Variants in TCFL5 observed in about 807,000 individuals in gnomAD.
TCFL5 encodes transcription factor like 5.
A neutral mutation model predicts 44.3 loss-of-function variants in TCFL5; 9 were observed. That is an observed-to-expected ratio of 0.20 (90% confidence interval 0.12 to 0.35). TCFL5 has a LOEUF of 0.35. TCFL5 is among the 10% of genes least tolerant of loss of function. The probability of loss-of-function intolerance (pLI) is 1.00; values close to 1 mark genes in which losing one functional copy is unlikely to be tolerated. For missense variants in TCFL5, 603 were observed against 613.4 expected (o/e 0.98, Z 0.18); for synonymous variants, 319 against 271.6 (o/e 1.17, Z -1.72).
At chr20:62,855,933 T>G (rs192355725) in intron 4 of TCFL5, among the ~76,000 whole-genome samples, 1 of 151,926 alleles carries the variant, frequency 6.6e-6, no homozygotes, top group Non-Finnish European at 1.5e-5. Flanking sequence ...TAATTAATTA[T>G]AGATTAGGGA....
rs2147311108 is a variant in TCFL5, at chr20:62,861,750, C to CGG, written c.-81_-80insCC. On this transcript the variant is annotated 5_prime_UTR_variant, in exon 1 of 6. Coordinates refer to ENST00000335351, the MANE Select transcript of TCFL5 (RefSeq NM_006602.4). This position sits in a 1 kb window ranked among gnomAD's most constrained non-coding sequence, Gnocchi z 4.0. ...GAGGCGGGAGGCGGGAGGCGGGAGG[C>CGG]GACCCCCGGCCCGAGCACTACTCTG... 6.8e-6 allele frequency: 1 copy of CGG among 147,384 alleles called. No individual in the cohort carries two copies. The highest frequency in any genetic ancestry group is 2.5e-5 in the African/African-American group (1 of 40,708). 9.1% of individuals were successfully genotyped at this position (147,384 alleles called of 1,614,324 possible).
chr20:62,861,024 T>C lies in TCFL5; in HGVS notation c.647A>G (p.Asn216Ser). 1 of 993,130 alleles carries C rather than the reference T, an allele frequency of 1.0e-6. No individual in the cohort carries two copies. The highest frequency in any genetic ancestry group is 1.2e-6 in the Non-Finnish European group (1 of 836,346). The allele number at this position is 993,130 out of a possible 1,614,324, so 61.5% of individuals were successfully genotyped here. A position where few individuals can be genotyped will look rare whatever the true frequency, so the allele number is the denominator to read the frequency against. ...CAGCCCCCGGCCGCCGGGCACGCAC[T>C]TGTTGAGCGCCCCGCCCGGCTCGGG... ...EPPEPGGALN[N>S]LVTLIRHPSE... is the part of the protein sequence containing the mutation. The change falls in exon 1 of 6, where the codon AAT (asparagine) becomes AGT (serine). Residue 216 changes from asparagine (N) to serine (S), a missense_variant and splice_region_variant. This residue lies in a region of TCFL5 where 540 missense variants were observed against 478.7 expected (regional missense o/e 1.13). Coordinates refer to ENST00000335351, the MANE Select transcript of TCFL5 (RefSeq NM_006602.4). This position sits in a 1 kb window ranked among gnomAD's most constrained non-coding sequence, Gnocchi z 4.0.
At chr20:62,848,355 T>C (rs1253788855) in intron 5 of TCFL5, among the ~76,000 whole-genome samples, 1 of 152,322 alleles carries the variant, frequency 6.6e-6, no homozygotes, top group East Asian at 1.9e-4. Context: ...GAAAAAGTTG[T>C]AGTGGGCACT....
At chr20:62,852,039 C>G in intron 5 of TCFL5, 1 of 979,936 alleles carries the variant, frequency 1.0e-6, no homozygotes, top group Non-Finnish European at 1.2e-6. Flanking sequence ...CTCCTGGCCT[C>G]AAATGATCCA....
rs904372506 is a variant in TCFL5, at chr20:62,855,415, G to A, written c.1239-1258C>T. 5.9e-5 allele frequency among the ~76,000 whole-genome samples: 9 copies of A among 152,232 alleles called. No individual in the cohort carries two copies. The East Asian group carries it at 1.5e-3, about 26-fold the overall frequency. The stretch of plus-strand genomic sequence containing the variant: ...TGGGCTCAAGCAATCCTCCCACCTC[G>A]GCCCACAGTCATGAGCCACTGCACC... On this transcript the variant is annotated intron_variant, in intron 4 of 5. Transcript: ENST00000335351.
intron 1 of TCFL5, 116 bp downstream of exon 1, chr20:62,860,908 C>T (rs1261920730): frequency 1.0e-5 from 9 of 861,054 alleles, no homozygotes; most frequent in African/African-American, 1.8e-5. Flanking sequence ...CCTGTGCCGC[C>T]GGGAGGGCAG....
chr20:62,859,425 A>G lies in TCFL5; in HGVS notation c.933T>C (p.Thr311=), dbSNP rs1228192746. The change falls in exon 3 of 6, where the codon ACT becomes ACC. Residue 311 remains threonine, a synonymous_variant. Transcript: ENST00000335351. Reference sequence around the variant, plus strand: ...TGTTTCTACTACCTAACGTCTGTTTAGTGGATTCAATTTCTTGCTGATAAC... The same window carrying G: ...TGTTTCTACTACCTAACGTCTGTTTGGTGGATTCAATTTCTTGCTGATAAC... The part of the protein sequence containing the change: ...SFCYQQEIES[T]KQTLGSRNKV... 1.2e-6 allele frequency: 2 copies of G among 1,614,100 alleles called. No homozygotes were observed. Among genetic ancestry groups the G allele is most frequent in the South Asian group, 2.2e-5 (2 of 91,074 alleles).
chr20:62,846,502 A>G (rs2063744290), intron 5 of TCFL5, among the ~76,000 whole-genome samples: 1 of 152,250 alleles, frequency 6.6e-6, no homozygotes, highest in Non-Finnish European at 1.5e-5. Flanking sequence ...GCAACAGAAC[A>G]TATGTGAAAT....
rs1284998440 is a variant in TCFL5 at position 62,861,425 on chromosome 20, C to T, written c.246G>A (p.Leu82=). The stretch of plus-strand genomic sequence containing the variant: ...CGCCTGCGCCCGGGCCCGCCGCCGC[C>T]AGCAGCGCCGAGTTGAGGCGCGTCT... The part of the protein sequence containing the change: ...ELETRLNSAL[L]AAAGPGAGAG... The change falls in exon 1 of 6, where the codon CTG becomes CTA. Residue 82 remains leucine, a synonymous_variant. Coordinates refer to ENST00000335351, the MANE Select transcript of TCFL5 (RefSeq NM_006602.4). The surrounding 1 kb of genome is among the most constrained non-coding windows in gnomAD (Gnocchi z 4.0). 1.7e-6 allele frequency: 2 copies of T among 1,149,112 alleles called. No homozygotes were observed. Among genetic ancestry groups the T allele is most frequent in the Non-Finnish European group, 1.1e-6 (1 of 930,138 alleles). The allele number at this position is 1,149,112 out of a possible 1,614,324, so 71.2% of individuals were successfully genotyped here.
At chr20:62,844,485 A>G (rs1350078068) in intron 5 of TCFL5, among the ~76,000 whole-genome samples, 1 of 151,828 alleles carries the variant, frequency 6.6e-6, no homozygotes, top group Non-Finnish European at 1.5e-5. Context: ...TCCACGGCTC[A>G]CTGCAGGCTC....
At chr20:62,846,353 A>G (rs990243093) in intron 5 of TCFL5, among the ~76,000 whole-genome samples, 6 of 151,984 alleles carry the variant, frequency 3.9e-5, no homozygotes, top group Admixed American at 2.0e-4. Flanking sequence ...CCCGCCCACG[A>G]CCCGTCTCCT....
chr20:62,861,556 A>C lies in TCFL5; in HGVS notation c.115T>G (p.Phe39Val). Residue 39 changes from phenylalanine (F) to valine (V), a missense_variant, in exon 1 of 6, where the codon TTC becomes GTC. This residue lies in a region of TCFL5 where 540 missense variants were observed against 478.7 expected (regional missense o/e 1.13). Coordinates refer to ENST00000335351, the MANE Select transcript of TCFL5 (RefSeq NM_006602.4). This position sits in a 1 kb window ranked among gnomAD's most constrained non-coding sequence, Gnocchi z 4.0. ...ACCAGGCTCAGGTCGGTGGTCGTGA[A>C]GCTCAGCCCCGGCTCGCCCAGCGCC... is the stretch of plus-strand genomic sequence containing the variant. ...DAALGEPGLSFTTTDLSLVEM... is the reference protein window; with the variant it reads ...DAALGEPGLSVTTTDLSLVEM... The C allele has an allele frequency of 1.5e-5, 17 of 1,137,358 alleles. No individual in the cohort carries two copies. Among genetic ancestry groups the C allele is most frequent in the Non-Finnish European group, 1.9e-5 (17 of 915,192 alleles). The allele number at this position is 1,137,358 out of a possible 1,614,324, so 70.5% of individuals were successfully genotyped here.
intron 5 of TCFL5, chr20:62,845,079 C>T (rs907768821): frequency 2.0e-6 from 2 of 985,834 alleles, no homozygotes; most frequent in African/African-American, 3.5e-5. Flanking sequence ...ACTGTGTGCA[C>T]TCAGAATCTA....
At chr20:62,851,213 C>T (rs930405419) in intron 5 of TCFL5, among the ~76,000 whole-genome samples, 20 of 151,826 alleles carry the variant, frequency 1.3e-4, no homozygotes, top group African/African-American at 4.3e-4. Context: ...TCTAATTCCC[C>T]GAAAAAATTG....
intron 3 of TCFL5, among the ~76,000 whole-genome samples, chr20:62,858,499 G>A (rs1410832297): frequency 3.9e-5 from 6 of 152,260 alleles, no homozygotes; most frequent in African/African-American, 1.4e-4. Flanking sequence ...GGGAGGAAAA[G>A]GAAGGACTGA....
intron 3 of TCFL5, among the ~76,000 whole-genome samples, chr20:62,858,875 G>A (rs748439457): frequency 1.3e-5 from 2 of 152,064 alleles, no homozygotes; most frequent in East Asian, 3.9e-4. Context: ...AAGGGACTAT[G>A]CAGGTTAGCG....
At chr20:62,853,905 A>C in intron 5 of TCFL5, 111 bp downstream of exon 5, 1 of 1,177,720 alleles carries the variant, frequency 8.5e-7, no homozygotes, top group South Asian at 1.4e-5. Context: ...TTAGTATTTG[A>C]TGTTAGATTC....
Position 62,861,474 on chromosome 20 carries a change from T to C in TCFL5, c.197A>G (p.Glu66Gly). The C allele has an allele frequency of 8.4e-7, 1 of 1,190,750 alleles. No individual in the cohort carries two copies. The highest frequency in any genetic ancestry group is 1.1e-6 in the Non-Finnish European group (1 of 946,532). 73.8% of individuals were successfully genotyped at this position (1,190,750 alleles called of 1,614,324 possible). A position where few individuals can be genotyped will look rare whatever the true frequency, so the allele number is the denominator to read the frequency against. Reference protein sequence around the residue: ...QLQHILCSHMEAAADGELETR... With the variant: ...QLQHILCSHMGAAADGELETR... The stretch of plus-strand genomic sequence containing the variant: ...CTCGAGCTCGCCGTCAGCCGCCGCC[T>C]CCATGTGCGAGCAGAGGATGTGCTG... The change falls in exon 1 of 6, where the codon GAG becomes GGG. Residue 66 changes from glutamate to glycine, a missense_variant. Coordinates refer to ENST00000335351, the MANE Select transcript of TCFL5 (RefSeq NM_006602.4). This position sits in a 1 kb window ranked among gnomAD's most constrained non-coding sequence, Gnocchi z 4.0.
At chr20:62,852,827 G>C (rs1438700336) in intron 5 of TCFL5, 14 of 1,287,124 alleles carry the variant, frequency 1.1e-5, no homozygotes, top group Non-Finnish European at 1.0e-5. Context: ...AGTCCACAAA[G>C]GTATAGTCAA....
Sources: allele counts gnomAD v4.1 joint callset (sites outside exome capture counted in the v4.1 genomes callset), GRCh38; gene constraint gnomAD v4.1.1; regional missense constraint gnomAD v4.1.1; non-coding constraint Gnocchi (gnomAD v3.1); transcripts MANE v1.5; gene names NCBI Gene and HGNC (gene_info 2026-07-23, HGNC 2026-07-21).